Variants in FUS observed in about 807,000 individuals in gnomAD.
The protein encoded by FUS is FUS RNA binding protein.
In FUS, 5 loss-of-function variants were observed where a neutral mutation model predicts 82.7. The observed-to-expected ratio is 0.06, with a 90% CI of 0.03 to 0.13. The LOEUF (loss-of-function observed/expected upper bound fraction) is 0.13, where lower values mean the gene tolerates loss of function less well. FUS is among the 10% of genes least tolerant of loss of function. FUS has a pLI of 1.00. For synonymous variants in FUS, 281 were observed against 247.4 expected, an observed-to-expected ratio of 1.14 and a Z score of -1.27; for missense variants, 512 against 707.8, an observed-to-expected ratio of 0.72 and a Z score of 3.14.
intron 1 of FUS, among the ~76,000 whole-genome samples, chr16:31,182,065 A>T (rs2079187329): frequency 6.6e-6 from 1 of 151,526 alleles, no homozygotes; most frequent in Non-Finnish European, 1.5e-5. Flanking sequence ...GCAATGGCTC[A>T]CTGCAACCTC....
intron 8 of FUS, 199 bp downstream of exon 8, chr16:31,188,556 C>A: frequency 1.5e-6 from 1 of 650,518 alleles, no homozygotes; most frequent in Non-Finnish European, 2.7e-6. Flanking sequence ...TGGGTTCCAC[C>A]CCCAGTGATT....
At position 31,182,501 on chromosome 16, in the gene FUS, C is replaced by G. The variant is rs1162920137; in HGVS notation, c.39-12C>G. 6 of 1,614,140 alleles carry G rather than the reference C, an allele frequency of 3.7e-6. No individual in the cohort carries two copies. The highest frequency in any genetic ancestry group is 4.5e-5 in the East Asian group (2 of 44,880). On this transcript the variant is annotated splice_polypyrimidine_tract_variant and intron_variant, in intron 2 of 14. Transcript: ENST00000254108. Reference sequence around the variant, plus strand: ...CATGTTTTCTGATCACGCTGGTTTTCCTTTTATTTAGCTATGGGGCCTACC... The same window carrying G: ...CATGTTTTCTGATCACGCTGGTTTTGCTTTTATTTAGCTATGGGGCCTACC...
chr16:31,189,958 T>C, intron 10 of FUS, 82 bp from the exon 11 acceptor site: 3 of 1,557,736 alleles, frequency 1.9e-6, no homozygotes, highest in Non-Finnish European at 2.6e-6. Context: ...TATAAACCAT[T>C]TGAGAAAGGC....
rs368404370 is a variant in FUS at position 31,183,996 on chromosome 16, C to T, written c.329C>T (p.Ser110Leu). ...YGQQPAPSST[S>L]GSYGSSSQSS... ...CAGCAGCCAGCTCCCAGCAGCACCT[C>T]GGGAAGGTACGGTGGTGTTGATGTC... Residue 110 changes from serine (S) to leucine (L), a missense_variant, in exon 4 of 15, where the codon TCG becomes TTG. Coordinates refer to ENST00000254108, the MANE Select transcript of FUS (RefSeq NM_004960.4). The T allele has an allele frequency of 8.1e-6, 13 of 1,613,850 alleles. No individual in the cohort carries two copies. Among genetic ancestry groups the T allele is most frequent in the Admixed American group, 3.3e-5 (2 of 59,986 alleles).
rs566131617 is a variant in FUS, at chr16:31,184,689, C to T, written c.524-250C>T. Reference sequence around the variant, plus strand: ...CGATCTCCTGACCTTGTGATCCGCCCGCCTTGGCCTCCCAAAGTGCTGGGA... The same window carrying T: ...CGATCTCCTGACCTTGTGATCCGCCTGCCTTGGCCTCCCAAAGTGCTGGGA... On this transcript the variant is annotated intron_variant, in intron 5 of 14. Transcript: ENST00000254108. Among the ~76,000 whole-genome samples the T allele has an allele frequency of 2.4e-4, 37 of 152,006 alleles. No individual in the cohort carries two copies. The South Asian group carries it at 3.3e-3, about 14-fold the overall frequency.
chr16:31,194,857 GTCAT>G, downstream of FUS: 1 of 474,962 alleles, frequency 2.1e-6, no homozygotes, highest in South Asian at 1.5e-5. Context: ...ATTGACTTCA[GTCAT>G]TCAGTAAGAA....
rs1458127703 is a variant in FUS, at chr16:31,182,529, A to C, written c.55A>C (p.Thr19Pro). Residue 19 changes from threonine to proline, a missense_variant, in exon 3 of 15, where the codon ACC becomes CCC. Thr to Pro is a conservative substitution (Grantham distance 38). Around this residue, in one of 6 missense-constraint regions of FUS, gnomAD observed 276 missense variants for 303.3 expected, o/e 0.91. Transcript: ENST00000254108. ...TTTATTTAGCTATGGGGCCTACCCC[A>C]CCCAGCCCGGGCAGGGCTATTCCCA... is the stretch of plus-strand genomic sequence containing the variant. Reference protein sequence around the residue: ...QATQSYGAYPTQPGQGYSQQS... With the variant: ...QATQSYGAYPPQPGQGYSQQS... 6.2e-7 allele frequency: 1 copy of C among 1,613,980 alleles called. No homozygotes were observed. The highest frequency in any genetic ancestry group is 8.5e-7 in the Non-Finnish European group (1 of 1,180,026).
Position 31,184,194 on chromosome 16 carries a change from G to A in FUS, c.336-15G>A. The stretch of plus-strand genomic sequence containing the variant: ...TGCTGGGATTGTGATTGTGTTTTTT[G>A]TTTGTTTTCCCTAGTTACGGTAGCA... On this transcript the variant is annotated splice_polypyrimidine_tract_variant and intron_variant, in intron 4 of 14. Coordinates refer to ENST00000254108, the MANE Select transcript of FUS (RefSeq NM_004960.4). 1 of 1,614,138 alleles carries A rather than the reference G, an allele frequency of 6.2e-7. No individual in the cohort carries two copies. Among genetic ancestry groups the A allele is most frequent in the Non-Finnish European group, 8.5e-7 (1 of 1,180,006 alleles).
chr16:31,187,203 T>A, intron 7 of FUS: 1 of 390,798 alleles, frequency 2.6e-6, no homozygotes, highest in Non-Finnish European at 4.8e-6. Context: ...TTGATCGTTG[T>A]GTCCAAGGCT....
At chr16:31,193,517 TAGG>T (rs1255588268), downstream of FUS, 1 of 529,520 alleles carries the variant, frequency 1.9e-6, no homozygotes, top group Admixed American at 2.2e-5. Context: ...GCCCTCCTGT[TAGG>T]AGTGGAGGAG....
chr16:31,192,790 C>T (rs1567481236), downstream of FUS: 1 of 480,736 alleles, frequency 2.1e-6, no homozygotes, highest in Admixed American at 2.3e-5. Flanking sequence ...AGGCTGGTCT[C>T]TTAACTCCTG....
At chr16:31,189,265 G>A in intron 9 of FUS, 39 bp downstream of exon 9, 1 of 1,405,950 alleles carries the variant, frequency 7.1e-7, no homozygotes, top group South Asian at 1.2e-5. Flanking sequence ...TGTCAGTGTT[G>A]TAGGCTTGTG....
rs558489806 is a variant in FUS, at chr16:31,184,507, A to G, written c.523+111A>G. 1.6e-4 allele frequency: 176 copies of G among 1,085,214 alleles called. 1 individual carries two copies. The highest frequency in any genetic ancestry group is 2.1e-4 in the Non-Finnish European group (157 of 748,224). The allele number at this position is 1,085,214 out of a possible 1,614,324, so 67.2% of individuals were successfully genotyped here. A position where few individuals can be genotyped will look rare whatever the true frequency, so the allele number is the denominator to read the frequency against. Reference sequence around the variant, plus strand: ...TGCTGAGGCTGGAGTGCAGTGGCACAATCTCGGCTCACTGCAAGCTCCGCC... The same window carrying G: ...TGCTGAGGCTGGAGTGCAGTGGCACGATCTCGGCTCACTGCAAGCTCCGCC... On this transcript the variant is annotated intron_variant, in intron 5 of 14. Transcript: ENST00000254108.
chr16:31,192,372 T>TG (rs2079373711), downstream of FUS: 1 of 524,514 alleles, frequency 1.9e-6, no homozygotes, highest in Non-Finnish European at 3.7e-6. Context: ...GTTGTAAACT[T>TG]GCACGTACCT....
At chr16:31,194,225 A>G, downstream of FUS, 2 of 531,668 alleles carry the variant, frequency 3.8e-6, no homozygotes, top group South Asian at 3.1e-5. Flanking sequence ...TCTAGGGTCC[A>G]GCCCATGTGA....
intron 1 of FUS, among the ~76,000 whole-genome samples, chr16:31,181,238 G>A (rs1035454754): frequency 1.3e-5 from 2 of 152,170 alleles, no homozygotes; most frequent in Non-Finnish European, 2.9e-5. Flanking sequence ...TTCTGAGATA[G>A]GGACGGAGAA....
intron 13 of FUS, 43 bp from the exon 14 acceptor site, chr16:31,190,920 T>C (rs950632101): frequency 5.6e-6 from 9 of 1,611,946 alleles, no homozygotes; most frequent in African/African-American, 2.7e-5. Flanking sequence ...TCGGGGAACA[T>C]AGGGGAATGG....
downstream of FUS, chr16:31,193,481 T>C (rs2079386934): frequency 1.9e-6 from 1 of 528,504 alleles, no homozygotes; most frequent in Non-Finnish European, 3.7e-6. Flanking sequence ...AGGATTCTAA[T>C]CTTGCTTTGG....
chr16:31,188,084 GTGTGGAGTTGTCTC>G, intron 7 of FUS: 1 of 578,810 alleles, frequency 1.7e-6, no homozygotes, highest in Non-Finnish European at 3.1e-6. Context: ...ATTTGCTGAA[GTGTGGAGTTGTCTC>G]TGTGGAGACT....
Sources: allele counts gnomAD v4.1 joint callset (sites outside exome capture counted in the v4.1 genomes callset), GRCh38; gene constraint gnomAD v4.1.1; regional missense constraint gnomAD v4.1.1; transcripts MANE v1.5; gene names NCBI Gene and HGNC (gene_info 2026-07-23, HGNC 2026-07-21).